Variants in OR2T6 observed in about 807,000 individuals in gnomAD.
The protein encoded by OR2T6 is olfactory receptor 2T6.
For synonymous variants in OR2T6, 174 were observed against 148.0 expected (o/e 1.18, Z -1.27); for missense variants, 424 against 391.6 (o/e 1.08, Z -0.70).
In OR2T6 at chr1:248,387,696, G is replaced by A. The variant is rs1661165393; in HGVS notation, c.88G>A (p.Val30Ile). ...HNKCSGFFFG[V>I]ICAVFFMAMI... ...TAAATGCTCAGGATTCTTTTTCGGT[G>A]TCATTTGTGCCGTCTTCTTCATGGC... Residue 30 changes from valine to isoleucine, a missense_variant, in exon 3 of 3, where the codon GTC (valine) becomes ATC (isoleucine). Transcript: ENST00000641644. 6.2e-7 allele frequency: 1 copy of A among 1,613,602 alleles called. No homozygotes were observed. The highest frequency in any genetic ancestry group is 1.3e-5 in the African/African-American group (1 of 74,858).
At position 248,378,566 on chromosome 1, in the gene OR2T6, G is replaced by A. The variant is rs114339508; in HGVS notation, c.-159+2512G>A. On this transcript the variant is annotated intron_variant, in intron 1 of 2. Coordinates refer to ENST00000641644, the MANE Select transcript of OR2T6 (RefSeq NM_001005471.2). Reference sequence around the variant, plus strand: ...ATGTGGGTTTTTTTGTATTTTGGCGGGAGACAGCAGTGTTTATTTCCAGAT... The same window carrying A: ...ATGTGGGTTTTTTTGTATTTTGGCGAGAGACAGCAGTGTTTATTTCCAGAT... 6.0e-3 allele frequency among the ~76,000 whole-genome samples: 916 copies of A among 152,132 alleles called. 5 individuals carry two copies. Among genetic ancestry groups the A allele is most frequent in the African/African-American group, 0.02 (837 of 41,488 alleles).
At chr1:248,381,916 A>C (rs1485728832) in intron 1 of OR2T6, among the ~76,000 whole-genome samples, 1 of 152,152 alleles carries the variant, frequency 6.6e-6, no homozygotes, top group Non-Finnish European at 1.5e-5. Flanking sequence ...TCTCAACTAA[A>C]ATGTATCTAA....
intron 1 of OR2T6, among the ~76,000 whole-genome samples, chr1:248,376,669 T>A: frequency 7.5e-6 from 1 of 132,892 alleles, no homozygotes; most frequent in South Asian, 2.1e-4. Flanking sequence ...TTTTTTCAAC[T>A]TTTATTTTAG....
chr1:248,381,474 G>C (rs571674754), intron 1 of OR2T6, among the ~76,000 whole-genome samples: 1 of 152,012 alleles, frequency 6.6e-6, no homozygotes, highest in African/African-American at 2.4e-5. Flanking sequence ...ATAAATACTT[G>C]AATGTATAAA....
chr1:248,377,079 G>A (rs142704611), intron 1 of OR2T6, among the ~76,000 whole-genome samples: 52 of 152,282 alleles, frequency 3.4e-4, no homozygotes, highest in Admixed American at 1.8e-3. Flanking sequence ...TCTTGCTATC[G>A]TGTGATGGTT....
intron 2 of OR2T6, among the ~76,000 whole-genome samples, chr1:248,385,407 C>T (rs1661120928): frequency 6.6e-6 from 1 of 152,190 alleles, no homozygotes; most frequent in Non-Finnish European, 1.5e-5. Context: ...TTTTTAGGCC[C>T]TGTTGTTCAT....
chr1:248,388,083 C>T lies in OR2T6; in HGVS notation c.475C>T (p.Leu159Phe), dbSNP rs756265044. The T allele has an allele frequency of 9.9e-6, 16 of 1,613,940 alleles. No homozygotes were observed. Among genetic ancestry groups the T allele is most frequent in the Non-Finnish European group, 1.4e-5 (16 of 1,180,024 alleles). ...WFGGALDSFL[L>F]TPITMSLPFC... ...CGGTGGGGCTTTGGACAGTTTTCTC[C>T]TCACCCCCATTACCATGAGTCTCCC... Residue 159 changes from leucine (L) to phenylalanine (F), a missense_variant, in exon 3 of 3, where the codon CTC becomes TTC. Leu to Phe is a conservative substitution (Grantham distance 22, BLOSUM62 0). Coordinates refer to ENST00000641644, the MANE Select transcript of OR2T6 (RefSeq NM_001005471.2).
chr1:248,389,904 A>G lies in OR2T6; in HGVS notation c.*1369A>G, dbSNP rs1005978253. The G allele has an allele frequency of 6.6e-6, 1 of 152,228 alleles. No individual in the cohort carries two copies. The highest frequency in any genetic ancestry group is 1.5e-5 in the Non-Finnish European group (1 of 68,060). 9.4% of individuals were successfully genotyped at this position (152,228 alleles called of 1,614,324 possible). A position where few individuals can be genotyped will look rare whatever the true frequency, so the allele number is the denominator to read the frequency against. On this transcript the variant is annotated 3_prime_UTR_variant, in exon 3 of 3. Transcript: ENST00000641644. ...GGTCCTGGTCCAGGCCGGGTGGTCC[A>G]CTGGTCTTGCAAGAAAGAGTCTCTG...
intron 1 of OR2T6, among the ~76,000 whole-genome samples, chr1:248,382,542 T>C (rs1463976524): frequency 1.3e-5 from 2 of 150,780 alleles, no homozygotes; most frequent in Admixed American, 1.3e-4. Flanking sequence ...CTTTCTTTTT[T>C]TTTTTTTTTA....
At position 248,387,895 on chromosome 1, in the gene OR2T6, C is replaced by T. The variant is rs1661171875; in HGVS notation, c.287C>T (p.Ala96Val). 2 of 1,599,268 alleles carry T rather than the reference C, an allele frequency of 1.3e-6. No individual in the cohort carries two copies. Among genetic ancestry groups the T allele is most frequent in the African/African-American group, 1.3e-5 (1 of 74,622 alleles). Reference protein sequence around the residue: ...LMGEGTISFIACTAQCFLYMG... With the variant: ...LMGEGTISFIVCTAQCFLYMG... ...GGCGAGGGGACCATCTCTTTCATCG[C>T]CTGCACTGCTCAGTGCTTTCTCTAC... is the stretch of plus-strand genomic sequence containing the variant. Residue 96 changes from alanine to valine, a missense_variant, in exon 3 of 3, where the codon GCC (alanine) becomes GTC (valine). By Grantham distance (64) the Ala-to-Val change is moderately conservative. Coordinates refer to ENST00000641644, the MANE Select transcript of OR2T6 (RefSeq NM_001005471.2).
At chr1:248,381,801 C>T (rs1465467767) in intron 1 of OR2T6, among the ~76,000 whole-genome samples, 1 of 151,832 alleles carries the variant, frequency 6.6e-6, no homozygotes, top group Non-Finnish European at 1.5e-5. Flanking sequence ...ACAGTTTCTT[C>T]CCTTTTCTTA....
In OR2T6 at chr1:248,388,097, C is replaced by T. The variant is rs369989080; in HGVS notation, c.489C>T (p.Thr163=). 1 of 1,614,066 alleles carries T rather than the reference C, an allele frequency of 6.2e-7. No individual in the cohort carries two copies. The highest frequency in any genetic ancestry group is 8.5e-7 in the Non-Finnish European group (1 of 1,180,020). ...ACAGTTTTCTCCTCACCCCCATTACCATGAGTCTCCCGTTCTGTGCCTCTC... is the reference window on the plus strand; with the variant it reads ...ACAGTTTTCTCCTCACCCCCATTACTATGAGTCTCCCGTTCTGTGCCTCTC... ...ALDSFLLTPI[T]MSLPFCASHQ... is the part of the protein sequence containing the mutation. Residue 163 remains threonine (T), a synonymous_variant, in exon 3 of 3, where the codon ACC becomes ACT. Coordinates refer to ENST00000641644, the MANE Select transcript of OR2T6 (RefSeq NM_001005471.2).
Position 248,387,735 on chromosome 1 carries a change from G to T in OR2T6, c.127G>T (p.Gly43Trp). ...CTTCTTCATGGCCATGATAGCTAAT[G>T]GGGTCATGATCTTCCTGATTAACAT... ...AVFFMAMIAN[G>W]VMIFLINIDP... Residue 43 changes from glycine to tryptophan, a missense_variant, in exon 3 of 3, where the codon GGG becomes TGG. Gly to Trp is a radical substitution (Grantham distance 184, BLOSUM62 -2). Coordinates refer to ENST00000641644, the MANE Select transcript of OR2T6 (RefSeq NM_001005471.2). The T allele has an allele frequency of 6.2e-7, 1 of 1,613,780 alleles. No individual in the cohort carries two copies. Among genetic ancestry groups the T allele is most frequent in the South Asian group, 1.1e-5 (1 of 91,060 alleles).
At chr1:248,384,183 A>T (rs376223784) in intron 1 of OR2T6, among the ~76,000 whole-genome samples, 97 of 37,552 alleles carry the variant, frequency 2.6e-3, no homozygotes, top group South Asian at 4.8e-3. Flanking sequence ...CCTATCCTGA[A>T]GTGTTTCCTA....
chr1:248,382,716 G>A (rs891700586), intron 1 of OR2T6, among the ~76,000 whole-genome samples: 5 of 151,810 alleles, frequency 3.3e-5, no homozygotes, highest in Non-Finnish European at 7.4e-5. Flanking sequence ...TAGAGACAGG[G>A]TTTCACCATG....
chr1:248,380,326 C>T (rs922042817), intron 1 of OR2T6, among the ~76,000 whole-genome samples: 1 of 151,894 alleles, frequency 6.6e-6, no homozygotes, highest in African/African-American at 2.4e-5. Context: ...GTAGTTGGAT[C>T]ATTTTTCTTA....
At chr1:248,379,385 G>A (rs1353353938) in intron 1 of OR2T6, among the ~76,000 whole-genome samples, 2 of 152,112 alleles carry the variant, frequency 1.3e-5, no homozygotes, top group East Asian at 3.9e-4. Context: ...CCTGAGTCAG[G>A]CTATTTTCTG....
chr1:248,376,754 C>T (rs1238665536), intron 1 of OR2T6, among the ~76,000 whole-genome samples: 6 of 152,014 alleles, frequency 3.9e-5, no homozygotes, highest in Non-Finnish European at 7.4e-5. Flanking sequence ...TAAATGATCC[C>T]ATCATACAGG....
rs377500868 is a variant in OR2T6 at position 248,384,852 on chromosome 1, C to T, written c.-17C>T. ...CCCCTCACCACCTGATCCACTCAGCCTCTTCTAAACCGGTAAGCAAAACTG... is the reference window on the plus strand; with the variant it reads ...CCCCTCACCACCTGATCCACTCAGCTTCTTCTAAACCGGTAAGCAAAACTG... On this transcript the variant is annotated 5_prime_UTR_variant, in exon 2 of 3. Coordinates refer to ENST00000641644, the MANE Select transcript of OR2T6 (RefSeq NM_001005471.2). The T allele has an allele frequency of 6.6e-6, 1 of 152,196 alleles. No homozygotes were observed. Among genetic ancestry groups the T allele is most frequent in the African/African-American group, 2.4e-5 (1 of 41,444 alleles). The allele number at this position is 152,196 out of a possible 1,614,324, so 9.4% of individuals were successfully genotyped here. A position where few individuals can be genotyped will look rare whatever the true frequency, so the allele number is the denominator to read the frequency against.
Sources: gnomAD v4.1 joint callset for allele counts (sites outside exome capture counted in the v4.1 genomes callset) on GRCh38, gnomAD v4.1.1 for gene constraint, MANE v1.5 for transcripts, NCBI Gene and HGNC (gene_info 2026-07-23, HGNC 2026-07-21) for gene names.